The following PARD3B variants were observed in gnomAD, a reference collection of about 807,000 sequenced individuals.
PARD3B encodes the protein partitioning defective 3 homolog B.
A neutral mutation model predicts 130.2 loss-of-function variants in PARD3B; 103 were observed. The observed-to-expected ratio is 0.79, with a 90% CI of 0.67 to 0.93. PARD3B has a LOEUF of 0.93. Ranked by LOEUF, PARD3B falls within the 40% of genes least tolerant of loss-of-function variation. The pLI is 0.00. For missense variants in PARD3B, 1,609 were observed against 1,499.2 expected (o/e 1.07, Z -1.21); for synonymous variants, 583 against 553.2 (o/e 1.05, Z -0.76).
chr2:204,614,008 T>G (rs1368500695), intron 1 of PARD3B, among the ~76,000 whole-genome samples: 1 of 152,102 alleles, frequency 6.6e-6, no homozygotes, highest in African/African-American at 2.4e-5. Flanking sequence ...TAATTCTGTG[T>G]CTTGTTGGGC....
At chr2:204,703,534 G>A (rs2037993660) in intron 2 of PARD3B, among the ~76,000 whole-genome samples, 1 of 152,134 alleles carries the variant, frequency 6.6e-6, no homozygotes, top group Non-Finnish European at 1.5e-5. Context: ...CTGTAGAGTT[G>A]CCATGCATTA....
At chr2:204,654,466 T>G in intron 1 of PARD3B, among the ~76,000 whole-genome samples, 1 of 151,924 alleles carries the variant, frequency 6.6e-6, no homozygotes, top group East Asian at 1.9e-4. Context: ...AGAACTCTGC[T>G]GGGGAAGTAA....
chr2:205,492,715 T>A (rs1231514235), intron 20 of PARD3B, among the ~76,000 whole-genome samples: 2 of 152,160 alleles, frequency 1.3e-5, no homozygotes, highest in African/African-American at 4.8e-5. Context: ...TACACAATCA[T>A]AACTTTACCT....
chr2:204,749,796 A>T (rs1390171991), intron 2 of PARD3B, among the ~76,000 whole-genome samples: 2 of 152,192 alleles, frequency 1.3e-5, no homozygotes, highest in Non-Finnish European at 2.9e-5. Context: ...AAGTTTCAGA[A>T]CATCAATATT....
chr2:204,636,991 A>G (rs2034904015), intron 1 of PARD3B, among the ~76,000 whole-genome samples: 1 of 152,174 alleles, frequency 6.6e-6, no homozygotes, highest in Admixed American at 6.5e-5. Flanking sequence ...ATTCTTAGGT[A>G]TTTCTAGTAT....
At chr2:204,717,231 C>A (rs1454801300) in intron 2 of PARD3B, among the ~76,000 whole-genome samples, 1 of 152,090 alleles carries the variant, frequency 6.6e-6, no homozygotes, top group African/African-American at 2.4e-5. Context: ...TTTAGAGAAA[C>A]CTGAGACTTG....
At chr2:205,404,439 C>A (rs901573192) in intron 19 of PARD3B, among the ~76,000 whole-genome samples, 2 of 152,160 alleles carry the variant, frequency 1.3e-5, no homozygotes, top group Admixed American at 1.3e-4. Context: ...TGTCCTAGAA[C>A]TAATCCCCCA....
At chr2:205,163,793 T>G (rs1180407085) in intron 11 of PARD3B, among the ~76,000 whole-genome samples, 1 of 152,162 alleles carries the variant, frequency 6.6e-6, no homozygotes, top group Non-Finnish European at 1.5e-5. Flanking sequence ...AGATCTATAA[T>G]TAATGAATTC....
chr2:204,783,241 G>T (rs1194702450), intron 2 of PARD3B, among the ~76,000 whole-genome samples: 1 of 152,094 alleles, frequency 6.6e-6, no homozygotes, highest in Non-Finnish European at 1.5e-5. Flanking sequence ...AGGGAACCTG[G>T]TGTAATCATA....
At chr2:204,987,159 G>A (rs563223388) in intron 3 of PARD3B, among the ~76,000 whole-genome samples, 1 of 152,144 alleles carries the variant, frequency 6.6e-6, no homozygotes, top group African/African-American at 2.4e-5. Flanking sequence ...GAAAAAAAAT[G>A]TGACTATGAA....
intron 4 of PARD3B, among the ~76,000 whole-genome samples, chr2:205,095,625 A>T (rs376134742): frequency 5.2e-4 from 79 of 152,252 alleles, no homozygotes; most frequent in African/African-American, 1.9e-3. Context: ...GGTCCACTCA[A>T]ATCTCACAAA....
chr2:205,405,427 G>A lies in PARD3B; in HGVS notation c.2741+4304G>A, dbSNP rs895716369. Among the ~76,000 whole-genome samples, 1 of 152,020 alleles carries A rather than the reference G, an allele frequency of 6.6e-6. No homozygotes were observed. The highest frequency in any genetic ancestry group is 1.5e-5 in the Non-Finnish European group (1 of 68,030). On this transcript the variant is annotated intron_variant, in intron 19 of 22. Coordinates refer to ENST00000406610, the MANE Select transcript of PARD3B (RefSeq NM_001302769.2). This position sits in a 1 kb window ranked among gnomAD's most constrained non-coding sequence, Gnocchi z 4.1. ...TGAGAAACCCTTTTATAATCTCCAG[G>A]CTTCACAAAGAGCAAGGTACTCTCC...
At chr2:205,489,522 T>TATATACGTATATATATACAC (rs1559141351) in intron 20 of PARD3B, among the ~76,000 whole-genome samples, 1 of 126,416 alleles carries the variant, frequency 7.9e-6, no homozygotes, top group Non-Finnish European at 1.7e-5. Flanking sequence ...TATATATATA[T>TATATACGTATATATATACAC]ACACACATAT....
chr2:205,482,774 C>T (rs949258510), intron 20 of PARD3B: 3 of 152,122 alleles, frequency 2.0e-5, no homozygotes, highest in Non-Finnish European at 2.9e-5. Context: ...TGGATTAATT[C>T]GGTGACACCA....
rs558987598 is a variant in PARD3B, at chr2:205,575,012, G to A, written c.3260+21609G>A. On this transcript the variant is annotated intron_variant, in intron 22 of 22. Transcript: ENST00000406610. The surrounding 1 kb of genome is among the most constrained non-coding windows in gnomAD (Gnocchi z 4.6). Reference sequence around the variant, plus strand: ...TCTCATAAGCTCCCTTACTGGATGAGGAGAGAAAGCCATTGCTCTAGCAAA... The same window carrying A: ...TCTCATAAGCTCCCTTACTGGATGAAGAGAGAAAGCCATTGCTCTAGCAAA... Among the ~76,000 whole-genome samples the A allele has an allele frequency of 3.8e-4, 58 of 151,394 alleles. No homozygotes were observed. The highest frequency in any genetic ancestry group is 1.3e-3 in the African/African-American group (54 of 41,262).
rs532181861 is a variant in PARD3B, at chr2:205,209,064, C to T, written c.2140+15744C>T. ...AGAACAGAGCCCTCAGAAATAACGC[C>T]GCATATCTACAACTATCTGATCTTT... On this transcript the variant is annotated intron_variant, in intron 15 of 22. Transcript: ENST00000406610. 4.9e-3 allele frequency among the ~76,000 whole-genome samples: 609 copies of T among 124,614 alleles called. 16 individuals carry two copies. The highest frequency in any genetic ancestry group is 5.5e-3 in the Non-Finnish European group (335 of 60,394). The allele number at this position is 124,614 out of a possible 152,430, so 81.8% of individuals were successfully genotyped here. A position where few individuals can be genotyped will look rare whatever the true frequency, so the allele number is the denominator to read the frequency against.
chr2:205,251,901 T>C (rs1318483613), intron 16 of PARD3B, among the ~76,000 whole-genome samples: 1 of 152,180 alleles, frequency 6.6e-6, no homozygotes, highest in East Asian at 1.9e-4. Context: ...TGGATAAATA[T>C]AGCATTAGAC....
At chr2:204,712,724 C>G (rs971601154) in intron 2 of PARD3B, among the ~76,000 whole-genome samples, 2 of 150,592 alleles carry the variant, frequency 1.3e-5, no homozygotes, top group African/African-American at 2.4e-5. Context: ...ATAAAGCAAT[C>G]AAAGAAAAAT....
chr2:205,156,777 A>G (rs903234527), intron 10 of PARD3B, among the ~76,000 whole-genome samples: 2 of 152,234 alleles, frequency 1.3e-5, no homozygotes, highest in East Asian at 1.9e-4. Flanking sequence ...AGCCTCTAGT[A>G]TATTGTTTCT....
Sources: allele counts gnomAD v4.1 joint callset (sites outside exome capture counted in the v4.1 genomes callset), GRCh38; gene constraint gnomAD v4.1.1; non-coding constraint Gnocchi (gnomAD v3.1); transcripts MANE v1.5; gene names NCBI Gene and HGNC (gene_info 2026-07-23, HGNC 2026-07-21).